Variants in PPFIA4 observed in about 807,000 individuals in gnomAD.
PPFIA4 encodes the protein liprin-alpha-4.
Under a neutral mutation model 145.7 loss-of-function variants are expected in PPFIA4, and 98 were observed. The observed-to-expected ratio is 0.67, with a 90% CI of 0.57 to 0.80. The LOEUF is 0.80. Ranked by LOEUF, PPFIA4 falls within the 30% of genes least tolerant of loss-of-function variation. PPFIA4 has a pLI of 0.00. For missense variants in PPFIA4, 1,457 were observed against 1,632.7 expected (o/e 0.89, Z 1.85); for synonymous variants, 628 against 649.6 (o/e 0.97, Z 0.51).
Position 203,043,376 on chromosome 1 carries a change from A to T in PPFIA4, c.235-21A>T, listed in dbSNP as rs1181280323. On this transcript the variant is annotated intron_variant, in intron 2 of 29. Coordinates refer to ENST00000295706, the MANE Select transcript of PPFIA4 (RefSeq NM_001304331.2). This position sits in a 1 kb window ranked among gnomAD's most constrained non-coding sequence, Gnocchi z 4.4. ...TTTGGGGGTGAATCCTGAAGCACTG[A>T]GGGGCCTTGGGGGTTTTCAGGAATT... 1 of 1,594,608 alleles carries T rather than the reference A, an allele frequency of 6.3e-7. No homozygotes were observed.
At position 203,055,441 on chromosome 1, in the gene PPFIA4, G is replaced by A. The variant is rs989642388; in HGVS notation, c.1839G>A (p.Gln613=). The change falls in exon 16 of 30, where the codon CAG becomes CAA. Residue 613 remains glutamine, a synonymous_variant. Coordinates refer to ENST00000295706, the MANE Select transcript of PPFIA4 (RefSeq NM_001304331.2). The surrounding 1 kb of genome is among the most constrained non-coding windows in gnomAD (Gnocchi z 4.8). ...TTTGCCTCCCTTCCAGGATGATTCA[G>A]GAAGAGAAGGAGTCCACGGAGCTCC... ...DAINEEIRMI[Q]EEKESTELRA... is the part of the protein sequence containing the mutation. 3 of 1,613,850 alleles carry A rather than the reference G, an allele frequency of 1.9e-6. No homozygotes were observed. Among genetic ancestry groups the A allele is most frequent in the Non-Finnish European group, 2.5e-6 (3 of 1,179,854 alleles).
chr1:203,042,530 C>A (rs941710386), intron 2 of PPFIA4, among the ~76,000 whole-genome samples: 7 of 152,238 alleles, frequency 4.6e-5, no homozygotes. Context: ...TTATTTCACC[C>A]GCTACTTGCA....
At chr1:203,073,229 T>C (rs939952888) in intron 28 of PPFIA4, among the ~76,000 whole-genome samples, 9 of 152,212 alleles carry the variant, frequency 5.9e-5, no homozygotes, top group Non-Finnish European at 1.2e-4. Context: ...ATTGAAGCTC[T>C]AAGAGGGAAC....
At position 203,044,410 on chromosome 1, in the gene PPFIA4, G is replaced by A. The variant is rs1659919490; in HGVS notation, c.533G>A (p.Arg178Gln). 1.3e-6 allele frequency: 2 copies of A among 1,552,292 alleles called. No individual in the cohort carries two copies. Among genetic ancestry groups the A allele is most frequent in the Non-Finnish European group, 1.7e-6 (2 of 1,148,038 alleles). ...GAGCGGCTCCGGGCAGCGCTGGAGC[G>A]AGTCACCACCTTGGAGGAGCAGCTG... is the stretch of plus-strand genomic sequence containing the variant. ...VRERLRAALE[R>Q]VTTLEEQLAG... Residue 178 changes from arginine to glutamine, a missense_variant, in exon 5 of 30, where the codon CGA becomes CAA. Arg to Gln is a conservative substitution (Grantham distance 43, BLOSUM62 1). Coordinates refer to ENST00000295706, the MANE Select transcript of PPFIA4 (RefSeq NM_001304331.2).
chr1:203,074,779 G>C (rs1384651013), intron 28 of PPFIA4, among the ~76,000 whole-genome samples: 4 of 152,062 alleles, frequency 2.6e-5, no homozygotes, highest in African/African-American at 4.8e-5. Context: ...TGCAGAGGGG[G>C]ATCCTGTAGG....
At chr1:203,036,524 C>A (rs1306206460) in intron 1 of PPFIA4, among the ~76,000 whole-genome samples, 1 of 152,144 alleles carries the variant, frequency 6.6e-6, no homozygotes, top group African/African-American at 2.4e-5. Context: ...TCTCTTTTGG[C>A]CTCTCGTGGC....
In PPFIA4 at chr1:203,044,393, C is replaced by G. The variant is rs994916516; in HGVS notation, c.516C>G (p.Leu172=). The G allele has an allele frequency of 5.2e-6, 8 of 1,552,046 alleles. No homozygotes were observed. The highest frequency in any genetic ancestry group is 7.0e-6 in the Non-Finnish European group (8 of 1,147,914). The part of the protein sequence containing the change: ...KALDEKVRER[L]RAALERVTTL... The stretch of plus-strand genomic sequence containing the variant: ...ACCTCGAGCAGGTGCGAGAGCGGCT[C>G]CGGGCAGCGCTGGAGCGAGTCACCA... Residue 172 remains leucine, a synonymous_variant, in exon 5 of 30, where the codon CTC becomes CTG. Coordinates refer to ENST00000295706, the MANE Select transcript of PPFIA4 (RefSeq NM_001304331.2).
chr1:203,044,151 T>C (rs915056386), intron 4 of PPFIA4, 56 bp downstream of exon 4: 18 of 1,498,000 alleles, frequency 1.2e-5, no homozygotes, highest in South Asian at 1.0e-4. Flanking sequence ...GAGCCTCCCA[T>C]GTATCCCTTC....
intron 7 of PPFIA4, 50 bp from the exon 8 acceptor site, chr1:203,045,790 TG>T: frequency 6.2e-7 from 1 of 1,611,514 alleles, no homozygotes; most frequent in South Asian, 1.1e-5. Context: ...GTAGACAGGA[TG>T]GGGGCAAGGA....
chr1:203,058,200 T>TGAG (rs1260523765), intron 19 of PPFIA4, among the ~76,000 whole-genome samples: 1 of 151,472 alleles, frequency 6.6e-6, no homozygotes, highest in Non-Finnish European at 1.5e-5. Flanking sequence ...GCTAGCTGGC[T>TGAG]GAGGAGGAGG....
intron 19 of PPFIA4, 122 bp downstream of exon 19, chr1:203,057,072 G>T: frequency 6.6e-7 from 1 of 1,526,156 alleles, no homozygotes; most frequent in East Asian, 2.3e-5. Context: ...GCCCCAGGCA[G>T]GTTACCTCAG....
At chr1:203,052,023 C>T (rs1660554983) in intron 14 of PPFIA4, 146 bp downstream of exon 14, 2 of 813,318 alleles carry the variant, frequency 2.5e-6, no homozygotes, top group East Asian at 6.1e-5. Context: ...GGGTTGAGGC[C>T]ATCGTCAGCT....
At chr1:203,054,798 T>C (rs1660799319) in intron 15 of PPFIA4, among the ~76,000 whole-genome samples, 2 of 152,192 alleles carry the variant, frequency 1.3e-5, no homozygotes. Context: ...CTATCTATTA[T>C]CGCAATCATT....
In PPFIA4 at chr1:203,078,416, G is replaced by A. The variant is rs889390299; in HGVS notation, c.*2026G>A. ...CCTGCCACTGTTGGCCATGTCGTAAGGCAGCAGCTGTGCCAGGATAGCTGG... is the reference window on the plus strand; with the variant it reads ...CCTGCCACTGTTGGCCATGTCGTAAAGCAGCAGCTGTGCCAGGATAGCTGG... On this transcript the variant is annotated 3_prime_UTR_variant, in exon 30 of 30. Coordinates refer to ENST00000295706, the MANE Select transcript of PPFIA4 (RefSeq NM_001304331.2). 3.9e-5 allele frequency: 6 copies of A among 152,376 alleles called. No homozygotes were observed. The highest frequency in any genetic ancestry group is 3.9e-4 in the Admixed American group (6 of 15,288). The allele number at this position is 152,376 out of a possible 1,614,324, so 9.4% of individuals were successfully genotyped here.
At chr1:203,049,830 AC>A in intron 13 of PPFIA4, 63 bp downstream of exon 13, 1 of 1,338,838 alleles carries the variant, frequency 7.5e-7, no homozygotes, top group East Asian at 2.8e-5. Context: ...GAGGAAGGAG[AC>A]TTCCTTCCAA....
intron 7 of PPFIA4, 80 bp from the exon 8 acceptor site, chr1:203,045,761 C>A: frequency 6.3e-7 from 1 of 1,596,496 alleles, no homozygotes; most frequent in Non-Finnish European, 8.6e-7. Flanking sequence ...TCCAATCAGC[C>A]AGGTGTGGGT....
rs1211022395 is a variant in PPFIA4 at position 203,055,108 on chromosome 1, G to A, written c.1830-324G>A. ...TTATACCACTTCAGACATAGCATAT[G>A]TTGGGAAACTGAGGCACAGACAGCA... is the stretch of plus-strand genomic sequence containing the variant. On this transcript the variant is annotated intron_variant, in intron 15 of 29. Coordinates refer to ENST00000295706, the MANE Select transcript of PPFIA4 (RefSeq NM_001304331.2). The surrounding 1 kb of genome is among the most constrained non-coding windows in gnomAD (Gnocchi z 4.8). 6.6e-6 allele frequency among the ~76,000 whole-genome samples: 1 copy of A among 152,240 alleles called. No individual in the cohort carries two copies. Among genetic ancestry groups the A allele is most frequent in the Non-Finnish European group, 1.5e-5 (1 of 68,040 alleles).
In PPFIA4 at chr1:203,038,882, C is replaced by T; in HGVS notation, c.-127C>T. 1.6e-6 allele frequency: 1 copy of T among 611,274 alleles called. No individual in the cohort carries two copies. Among genetic ancestry groups the T allele is most frequent in the East Asian group, 2.8e-5 (1 of 35,622 alleles). The allele number at this position is 611,274 out of a possible 1,614,324, so 37.9% of individuals were successfully genotyped here. A position where few individuals can be genotyped will look rare whatever the true frequency, so the allele number is the denominator to read the frequency against. On this transcript the variant is annotated 5_prime_UTR_variant, in exon 2 of 30. Coordinates refer to ENST00000295706, the MANE Select transcript of PPFIA4 (RefSeq NM_001304331.2). ...GCAACTGATGCTATGGGAGAAGCCC[C>T]TGCCCACCTGTCCACTCGCCTGGCA...
rs542457254 is a variant in PPFIA4 at position 203,062,168 on chromosome 1, T to C, written c.2874+490T>C. Among the ~76,000 whole-genome samples, 3 of 151,690 alleles carry C rather than the reference T, an allele frequency of 2.0e-5. No homozygotes were observed. The South Asian group carries it at 6.3e-4, about 32-fold the overall frequency. On this transcript the variant is annotated intron_variant, in intron 24 of 29. Coordinates refer to ENST00000295706, the MANE Select transcript of PPFIA4 (RefSeq NM_001304331.2). ...AGGAATAATATCAGTAAACAAACCA[T>C]GTCAATAGGGATAAAAAAGACAGTC...
Sources: allele counts gnomAD v4.1 joint callset (sites outside exome capture counted in the v4.1 genomes callset), GRCh38; gene constraint gnomAD v4.1.1; non-coding constraint Gnocchi (gnomAD v3.1); transcripts MANE v1.5; gene names NCBI Gene and HGNC (gene_info 2026-07-23, HGNC 2026-07-21).